The following SYT2 variants were observed in gnomAD, a reference collection of about 807,000 sequenced individuals.
SYT2 encodes the protein synaptotagmin-2.
SYT2 carries 15 observed loss-of-function variants against 39.9 expected under a neutral mutation model. The observed-to-expected ratio is 0.38, with a 90% CI of 0.25 to 0.58. The LOEUF (loss-of-function observed/expected upper bound fraction) is 0.58. Among genes scored for constraint, SYT2 ranks in the 20% least tolerant of loss-of-function variants. The pLI, the probability that SYT2 is intolerant of heterozygous loss-of-function variation, is 0.70. For synonymous variants in SYT2, 181 were observed against 204.5 expected, an observed-to-expected ratio of 0.89 and a Z score of 0.98; for missense variants, 389 against 530.3, an observed-to-expected ratio of 0.73 and a Z score of 2.62.
intron 1 of SYT2, among the ~76,000 whole-genome samples, chr1:202,664,553 G>A (rs1460294696): frequency 6.6e-6 from 1 of 152,108 alleles, no homozygotes. Flanking sequence ...ATCATCCCCA[G>A]CACCAGGTAA....
At chr1:202,624,760 GT>G in intron 1 of SYT2, among the ~76,000 whole-genome samples, 1 of 96,428 alleles carries the variant, frequency 1.0e-5, no homozygotes, top group Non-Finnish European at 2.0e-5. Flanking sequence ...TGTGTGGTGT[GT>G]GTGTGGTGTG....
chr1:202,702,086 G>A (rs1399531268), intron 1 of SYT2, among the ~76,000 whole-genome samples: 3 of 152,168 alleles, frequency 2.0e-5, no homozygotes, highest in Non-Finnish European at 2.9e-5. Context: ...GGGGAGGCAC[G>A]AAGACACCTC....
intron 1 of SYT2, among the ~76,000 whole-genome samples, chr1:202,690,834 G>C (rs550819133): frequency 5.3e-5 from 8 of 152,248 alleles, no homozygotes; most frequent in African/African-American, 1.9e-4. Flanking sequence ...CCTTGACCTA[G>C]AAGATAAGAT....
At chr1:202,658,578 G>A (rs1692320501) in intron 1 of SYT2, among the ~76,000 whole-genome samples, 1 of 152,144 alleles carries the variant, frequency 6.6e-6, no homozygotes, top group South Asian at 2.1e-4. Flanking sequence ...GGTGCAAGCT[G>A]TGAGTACGTG....
intron 1 of SYT2, among the ~76,000 whole-genome samples, chr1:202,627,129 C>T (rs565363729): frequency 3.3e-5 from 5 of 152,322 alleles, no homozygotes; most frequent in East Asian, 1.9e-4. Context: ...AGAGGTTGTG[C>T]GGCTGGGGAG....
intron 1 of SYT2, among the ~76,000 whole-genome samples, chr1:202,624,533 A>C (rs1392602426): frequency 9.2e-6 from 1 of 108,200 alleles, no homozygotes; most frequent in Non-Finnish European, 1.9e-5. Context: ...TGTGTAGTAG[A>C]GTGTGGATGT....
In SYT2 at chr1:202,600,749, G is replaced by A. The variant is rs1467120; in HGVS notation, c.802-275C>T. On this transcript the variant is annotated intron_variant, in intron 6 of 8. Transcript: ENST00000367268. Reference sequence around the variant, plus strand: ...ATGAGGGGGGTAGAGGACAGCTGCGGTGGCAGGACTGAGGGAGGGATCCCT... The same window carrying A: ...ATGAGGGGGGTAGAGGACAGCTGCGATGGCAGGACTGAGGGAGGGATCCCT... 0.6 allele frequency among the ~76,000 whole-genome samples: 91,186 copies of A among 152,018 alleles called. 27,559 individuals are homozygous for A. The highest frequency in any genetic ancestry group is 0.7 in the Admixed American group (10,721 of 15,290).
In SYT2 at chr1:202,619,529, A is replaced by G. The variant is rs146167362; in HGVS notation, c.-17-13740T>C. Among the ~76,000 whole-genome samples, 924 of 152,286 alleles carry G rather than the reference A, an allele frequency of 6.1e-3. 2 individuals are homozygous for G. The highest frequency in any genetic ancestry group is 0.014 in the Middle Eastern group (4 of 294). On this transcript the variant is annotated intron_variant, in intron 1 of 8. Transcript: ENST00000367268. ...GGCCTGCATCAAGACCCCCTGGGGA[A>G]TTTGTTAAAATGCAGACCCTCTGCC...
At chr1:202,702,081 G>A (rs1654136035) in intron 1 of SYT2, among the ~76,000 whole-genome samples, 2 of 152,182 alleles carry the variant, frequency 1.3e-5, no homozygotes, top group African/African-American at 2.4e-5. Context: ...CTCCAGGGGA[G>A]GCACGAAGAC....
At chr1:202,674,387 C>A (rs1653289157) in intron 1 of SYT2, among the ~76,000 whole-genome samples, 1 of 152,200 alleles carries the variant, frequency 6.6e-6, no homozygotes. Context: ...CAGGCATGAG[C>A]CACCGCGCCT....
intron 1 of SYT2, among the ~76,000 whole-genome samples, chr1:202,625,372 T>C (rs1271805321): frequency 7.1e-6 from 1 of 139,986 alleles, no homozygotes; most frequent in Admixed American, 7.4e-5. Flanking sequence ...TGGTGTGTGG[T>C]GTGTGTGTGT....
At chr1:202,686,191 GCTTT>G (rs1653661583) in intron 1 of SYT2, among the ~76,000 whole-genome samples, 1 of 152,174 alleles carries the variant, frequency 6.6e-6, no homozygotes. Context: ...ATGATTGGAA[GCTTT>G]CTGAGGCCCT....
chr1:202,624,990 GGT>G (rs1691337732), intron 1 of SYT2, among the ~76,000 whole-genome samples: 1 of 137,426 alleles, frequency 7.3e-6, no homozygotes, highest in Non-Finnish European at 1.6e-5. Context: ...TGTGTAGTGT[GGT>G]GTGTGTCTTT....
chr1:202,642,323 C>T (rs1300978170), intron 1 of SYT2, among the ~76,000 whole-genome samples: 1 of 151,848 alleles, frequency 6.6e-6, no homozygotes, highest in Admixed American at 6.5e-5. Flanking sequence ...GGTGCAGAGG[C>T]TCGGGCAGGC....
intron 1 of SYT2, among the ~76,000 whole-genome samples, chr1:202,707,638 C>G (rs1043224608): frequency 2.0e-5 from 3 of 152,200 alleles, no homozygotes; most frequent in Non-Finnish European, 4.4e-5. Flanking sequence ...CAACCTCCTC[C>G]CACTCTGTCC....
intron 1 of SYT2, among the ~76,000 whole-genome samples, chr1:202,667,784 C>T (rs1374536737): frequency 6.6e-6 from 1 of 151,988 alleles, no homozygotes; most frequent in Non-Finnish European, 1.5e-5. Context: ...ATGATCTTGG[C>T]TCATTGCAAC....
intron 1 of SYT2, among the ~76,000 whole-genome samples, chr1:202,622,594 T>A (rs1691234214): frequency 6.6e-6 from 1 of 152,168 alleles, no homozygotes; most frequent in South Asian, 2.1e-4. Context: ...CAGAATCCAA[T>A]GGCTGAGGAT....
At chr1:202,644,875 A>AGAAGCC (rs1692046176) in intron 1 of SYT2, among the ~76,000 whole-genome samples, 1 of 125,498 alleles carries the variant, frequency 8.0e-6, no homozygotes, top group South Asian at 3.7e-4. Context: ...TCACTCCCGA[A>AGAAGCC]GAAGCCGGGG....
In SYT2 at chr1:202,657,839, TCAGGGTA is replaced by T. The variant is rs573873132; in HGVS notation, c.-17-52057_-17-52051del. On this transcript the variant is annotated intron_variant, in intron 1 of 8. Transcript: ENST00000367268. ...GCGGGGTCAGGGCCCTGCGGAGAGC[TCAGGGTA>T]TGTTTGGTGGGGACGTAATGCTGAT... is the stretch of plus-strand genomic sequence containing the variant. Among the ~76,000 whole-genome samples the T allele has an allele frequency of 7.0e-3, 1,062 of 152,184 alleles. 14 individuals are homozygous for T. The highest frequency in any genetic ancestry group is 0.025 in the African/African-American group (1,032 of 41,518).
Sources: allele counts gnomAD v4.1 joint callset (sites outside exome capture counted in the v4.1 genomes callset), GRCh38; gene constraint gnomAD v4.1.1; transcripts MANE v1.5; gene names NCBI Gene and HGNC (gene_info 2026-07-23, HGNC 2026-07-21).